RTKN2: variants seen among roughly 807,000 people sequenced by gnomAD.
RTKN2 encodes rhotekin-2.
In RTKN2, 69 loss-of-function variants were observed where a neutral mutation model predicts 71.5. The observed-to-expected ratio is 0.96, with a 90% CI of 0.79 to 1.18. The LOEUF (loss-of-function observed/expected upper bound fraction) is 1.18. RTKN2 is among the 50% of genes most tolerant of loss of function. The pLI is 0.00. For missense variants in RTKN2, 724 were observed against 719.7 expected, an observed-to-expected ratio of 1.01 and a Z score of -0.07; for synonymous variants, 236 against 236.5, an observed-to-expected ratio of 1.00 and a Z score of 0.02.
intron 1 of RTKN2, among the ~76,000 whole-genome samples, chr10:62,266,760 G>A (rs1201870356): frequency 1.3e-5 from 2 of 152,230 alleles, no homozygotes; most frequent in Non-Finnish European, 2.9e-5. Flanking sequence ...TAGGTGCTGT[G>A]ATAAGTACTT....
chr10:62,248,950 T>A (rs779708375), intron 2 of RTKN2, among the ~76,000 whole-genome samples: 10 of 152,344 alleles, frequency 6.6e-5, no homozygotes, highest in Non-Finnish European at 8.8e-5. Flanking sequence ...TAAAATCCTT[T>A]ACCTCTGATA....
chr10:62,218,172 T>G, intron 8 of RTKN2, 23 bp downstream of exon 8: 2 of 1,418,974 alleles, frequency 1.4e-6, no homozygotes, highest in Non-Finnish European at 2.0e-6. Context: ...ACAATTGTTG[T>G]AGGATATTTA....
rs1242215645 is a variant in RTKN2 at position 62,194,917 on chromosome 10, CA to C, written c.*2990del. 31 of 985,152 alleles carry C rather than the reference CA, an allele frequency of 3.1e-5. No individual in the cohort carries two copies. The highest frequency in any genetic ancestry group is 6.2e-5 in the Admixed American group (1 of 16,246). The allele number at this position is 985,152 out of a possible 1,614,324, so 61.0% of individuals were successfully genotyped here. A position where few individuals can be genotyped will look rare whatever the true frequency, so the allele number is the denominator to read the frequency against. The stretch of plus-strand genomic sequence containing the variant: ...ATATTCACATCCATTTAAAAGAAGT[CA>C]GGGGGCACTGCAGACAGTTAAGGAG... On this transcript the variant is annotated 3_prime_UTR_variant, in exon 12 of 12. Coordinates refer to ENST00000373789, the MANE Select transcript of RTKN2 (RefSeq NM_145307.4).
Position 62,198,910 on chromosome 10 carries a change from T to A in RTKN2, c.1295-467A>T, listed in dbSNP as rs1841385583. 3.9e-5 allele frequency among the ~76,000 whole-genome samples: 6 copies of A among 152,264 alleles called. No homozygotes were observed. The South Asian group carries it at 1.2e-3, about 32-fold the overall frequency. ...ATATATTAGGATGACTGCATTTGGA[T>A]GAGTATTCTTTCCTGTAGACCAGCA... On this transcript the variant is annotated intron_variant, in intron 11 of 11. Transcript: ENST00000373789.
At chr10:62,259,605 G>T (rs1323906261) in intron 2 of RTKN2, among the ~76,000 whole-genome samples, 1 of 152,132 alleles carries the variant, frequency 6.6e-6, no homozygotes, top group African/African-American at 2.4e-5. Flanking sequence ...TGGCTGGAGT[G>T]CTGTGGTGCA....
At chr10:62,220,405 T>C (rs1395719286) in intron 7 of RTKN2, among the ~76,000 whole-genome samples, 1 of 152,204 alleles carries the variant, frequency 6.6e-6, no homozygotes, top group Non-Finnish European at 1.5e-5. Context: ...GAAAATTCTG[T>C]AAAAGCATGT....
At chr10:62,203,025 T>C (rs1412530070) in intron 10 of RTKN2, among the ~76,000 whole-genome samples, 1 of 152,096 alleles carries the variant, frequency 6.6e-6, no homozygotes, top group Non-Finnish European at 1.5e-5. Context: ...TTGGGCGTGG[T>C]GGCACATGCC....
At chr10:62,221,283 AG>A (rs1841899935) in intron 7 of RTKN2, among the ~76,000 whole-genome samples, 2 of 152,072 alleles carry the variant, frequency 1.3e-5, no homozygotes, top group Non-Finnish European at 2.9e-5. Context: ...TGAAATTTTT[AG>A]GGGTAAATTC....
Position 62,193,785 on chromosome 10 carries a change from C to G in RTKN2, c.*4123G>C. 1 of 984,266 alleles carries G rather than the reference C, an allele frequency of 1.0e-6. No homozygotes were observed. The highest frequency in any genetic ancestry group is 1.2e-6 in the Non-Finnish European group (1 of 828,960). The allele number at this position is 984,266 out of a possible 1,614,324, so 61.0% of individuals were successfully genotyped here. On this transcript the variant is annotated 3_prime_UTR_variant, in exon 12 of 12. Coordinates refer to ENST00000373789, the MANE Select transcript of RTKN2 (RefSeq NM_145307.4). Reference sequence around the variant, plus strand: ...CACTAAACTAAAAGTAAGGTTATGTCAATGGATTTTTAAAAGAGTATACTT... The same window carrying G: ...CACTAAACTAAAAGTAAGGTTATGTGAATGGATTTTTAAAAGAGTATACTT...
In RTKN2 at chr10:62,204,850, TA is replaced by T; in HGVS notation, c.1186+6del. ...ACACAACTAAAAAAATCCAAATATC[TA>T]TTTACTAAGATCAAAGAAATGCTGC... On this transcript the variant is annotated splice_donor_region_variant and intron_variant, in intron 10 of 11. Coordinates refer to ENST00000373789, the MANE Select transcript of RTKN2 (RefSeq NM_145307.4). 6.5e-7 allele frequency: 1 copy of T among 1,546,244 alleles called. No individual in the cohort carries two copies. Among genetic ancestry groups the T allele is most frequent in the Non-Finnish European group, 8.7e-7 (1 of 1,152,768 alleles).
chr10:62,263,483 C>T (rs1842813909), intron 1 of RTKN2, among the ~76,000 whole-genome samples: 2 of 152,150 alleles, frequency 1.3e-5, no homozygotes, highest in South Asian at 4.1e-4. Flanking sequence ...CAGTCTTGGT[C>T]ATTTGTTATA....
intron 2 of RTKN2, among the ~76,000 whole-genome samples, chr10:62,259,568 T>G (rs897925357): frequency 6.6e-6 from 1 of 152,204 alleles, no homozygotes; most frequent in Non-Finnish European, 1.5e-5. Flanking sequence ...CTATTTCTTT[T>G]TGAGACAGAA....
intron 10 of RTKN2, among the ~76,000 whole-genome samples, chr10:62,201,033 T>G (rs1049470801): frequency 2.0e-5 from 3 of 152,198 alleles, no homozygotes; most frequent in Non-Finnish European, 4.4e-5. Context: ...ATACTTATTG[T>G]GCACCTGCAT....
chr10:62,186,272 A>G (rs1226940698), intron 8 of RTKN2, among the ~76,000 whole-genome samples: 1 of 152,164 alleles, frequency 6.6e-6, no homozygotes, highest in Non-Finnish European at 1.5e-5. Flanking sequence ...TAATGTTTCT[A>G]CTTAATGCAT....
chr10:62,194,123 G>T lies in RTKN2; in HGVS notation c.*3785C>A. 1.0e-6 allele frequency: 1 copy of T among 978,192 alleles called. No individual in the cohort carries two copies. Among genetic ancestry groups the T allele is most frequent in the Non-Finnish European group, 1.2e-6 (1 of 823,454 alleles). 60.6% of individuals were successfully genotyped at this position (978,192 alleles called of 1,614,324 possible). On this transcript the variant is annotated 3_prime_UTR_variant, in exon 12 of 12. Transcript: ENST00000373789. Reference sequence around the variant, plus strand: ...ATAATACTTTTTAATCCAAAAGTCTGACCCATATTAAAAAATAAAAATTAT... The same window carrying T: ...ATAATACTTTTTAATCCAAAAGTCTTACCCATATTAAAAAATAAAAATTAT...
chr10:62,268,454 G>C, intron 1 of RTKN2, 97 bp downstream of exon 1: 1 of 1,145,678 alleles, frequency 8.7e-7, no homozygotes, highest in South Asian at 1.3e-5. Context: ...TAGAGGAGCG[G>C]GGGAGAGGCT....
chr10:62,208,004 T>A (rs1241548702), intron 9 of RTKN2, among the ~76,000 whole-genome samples: 1 of 152,176 alleles, frequency 6.6e-6, no homozygotes. Flanking sequence ...AATTTTAATC[T>A]GTAGCTGGAT....
At chr10:62,242,446 C>A (rs1842395836) in intron 3 of RTKN2, among the ~76,000 whole-genome samples, 1 of 151,720 alleles carries the variant, frequency 6.6e-6, no homozygotes, top group African/African-American at 2.4e-5. Flanking sequence ...TGGAGGTTTT[C>A]TTGTAAAGGG....
chr10:62,248,103 G>C (rs1476874563), intron 2 of RTKN2, among the ~76,000 whole-genome samples: 1 of 152,066 alleles, frequency 6.6e-6, no homozygotes, highest in African/African-American at 2.4e-5. Context: ...ACCTGGCAGA[G>C]TATAGCTTTC....
Sources: gnomAD v4.1 joint callset for allele counts (sites outside exome capture counted in the v4.1 genomes callset) on GRCh38, gnomAD v4.1.1 for gene constraint, MANE v1.5 for transcripts, NCBI Gene and HGNC (gene_info 2026-07-23, HGNC 2026-07-21) for gene names.